Variants in TCF12 observed in about 807,000 individuals in gnomAD.
TCF12 encodes transcription factor 12, also known as DNA-binding protein HTF4.
In TCF12, 45 loss-of-function variants were observed where a neutral mutation model predicts 86.0. That is an observed-to-expected ratio of 0.52 (90% CI 0.41 to 0.67). The LOEUF (loss-of-function observed/expected upper bound fraction) is 0.67, where lower values mean the gene tolerates loss of function less well. TCF12 is among the 30% of genes least tolerant of loss of function. TCF12 has a pLI of 0.00. For synonymous variants in TCF12, 330 were observed against 299.6 expected, an observed-to-expected ratio of 1.10 and a Z score of -1.05; for missense variants, 881 against 859.9, an observed-to-expected ratio of 1.02 and a Z score of -0.31.
chr15:57,172,930 G>A (rs1422275342), intron 6 of TCF12, among the ~76,000 whole-genome samples: 21 of 149,320 alleles, frequency 1.4e-4, no homozygotes, highest in African/African-American at 4.5e-4. Context: ...GTTAGACTCT[G>A]TCTCTATTAA....
intron 3 of TCF12, among the ~76,000 whole-genome samples, chr15:57,004,700 C>T (rs188695491): frequency 4.6e-5 from 7 of 152,042 alleles, no homozygotes; most frequent in South Asian, 2.1e-4. Flanking sequence ...TGAGCCACCG[C>T]GACCGACCCT....
chr15:57,151,130 A>G (rs1024458109), intron 5 of TCF12, among the ~76,000 whole-genome samples: 9 of 147,574 alleles, frequency 6.1e-5, no homozygotes, highest in Non-Finnish European at 1.0e-4. Context: ...AGGATGCACC[A>G]TGCCTGGCCA....
intron 3 of TCF12, among the ~76,000 whole-genome samples, chr15:57,056,075 C>T (rs941035233): frequency 6.6e-6 from 1 of 150,924 alleles, no homozygotes; most frequent in Non-Finnish European, 1.5e-5. Flanking sequence ...TTAAGACCAT[C>T]CAGGAAATTT....
chr15:57,076,709 C>G (rs2070089021), intron 4 of TCF12, among the ~76,000 whole-genome samples: 1 of 151,850 alleles, frequency 6.6e-6, no homozygotes, highest in Non-Finnish European at 1.5e-5. Context: ...ATAGAATTCC[C>G]TCGATATTAC....
chr15:57,079,108 CTGAAT>C lies in TCF12; in HGVS notation c.223-12676_223-12672del, dbSNP rs776316733. ...AGCAGTATCAGTTTGGACTAAATGT[CTGAAT>C]TGAAGTGTAATTTTATTTTTTAGGA... On this transcript the variant is annotated intron_variant, in intron 4 of 20. Coordinates refer to ENST00000333725, the MANE Select transcript of TCF12 (RefSeq NM_207037.2). 5.9e-5 allele frequency among the ~76,000 whole-genome samples: 9 copies of C among 152,250 alleles called. No homozygotes were observed. In the South Asian group the frequency reaches 1.0e-3, roughly 18 times the overall value.
intron 5 of TCF12, among the ~76,000 whole-genome samples, chr15:57,144,172 G>A (rs1404150669): frequency 6.6e-6 from 1 of 152,130 alleles, no homozygotes; most frequent in Non-Finnish European, 1.5e-5. Context: ...AGAAACTAGA[G>A]GCAGGGGTAT....
chr15:57,236,911 G>A (rs1227895053), intron 12 of TCF12, among the ~76,000 whole-genome samples: 35 of 151,850 alleles, frequency 2.3e-4, no homozygotes, highest in Admixed American at 2.3e-3. Context: ...CATTTCTAAT[G>A]TGTTTCCCTG....
At chr15:57,190,663 T>C (rs1372768469) in intron 6 of TCF12, among the ~76,000 whole-genome samples, 3 of 152,170 alleles carry the variant, frequency 2.0e-5, no homozygotes, top group Non-Finnish European at 1.5e-5. Context: ...ACTAACCTCG[T>C]TTGTTTTGTG....
chr15:57,044,025 A>G (rs2141480849), intron 3 of TCF12, among the ~76,000 whole-genome samples: 1 of 152,306 alleles, frequency 6.6e-6, no homozygotes, highest in South Asian at 2.1e-4. Flanking sequence ...GATAAAAGAG[A>G]AAAAGTAGTA....
At chr15:57,028,758 G>C (rs1248434741) in intron 3 of TCF12, among the ~76,000 whole-genome samples, 8 of 151,484 alleles carry the variant, frequency 5.3e-5, no homozygotes, top group Non-Finnish European at 7.4e-5. Context: ...AATTTTTCTT[G>C]TTTTCTTCAG....
At chr15:57,090,615 C>T (rs780469024) in intron 4 of TCF12, among the ~76,000 whole-genome samples, 2 of 152,134 alleles carry the variant, frequency 1.3e-5, no homozygotes, top group Non-Finnish European at 2.9e-5. Flanking sequence ...GATAGTGAGG[C>T]CTGTTTCAGC....
intron 5 of TCF12, among the ~76,000 whole-genome samples, chr15:57,099,422 A>G (rs2049569387): frequency 6.6e-6 from 1 of 152,186 alleles, no homozygotes; most frequent in Admixed American, 6.5e-5. Context: ...GATTTCAGAA[A>G]ATATAGGGAA....
chr15:57,283,968 A>T (rs1171390473), intron 20 of TCF12, among the ~76,000 whole-genome samples: 5 of 152,186 alleles, frequency 3.3e-5, no homozygotes, highest in Non-Finnish European at 7.3e-5. Context: ...TAACTGTAAC[A>T]TTAGCACACT....
At chr15:56,997,143 A>G (rs1432016329) in intron 3 of TCF12, among the ~76,000 whole-genome samples, 2 of 152,218 alleles carry the variant, frequency 1.3e-5, no homozygotes, top group Non-Finnish European at 2.9e-5. Flanking sequence ...AAAGGAAAAT[A>G]AATTGTTCTG....
At chr15:57,136,030 C>T (rs1444356070) in intron 5 of TCF12, among the ~76,000 whole-genome samples, 1 of 151,838 alleles carries the variant, frequency 6.6e-6, no homozygotes, top group Non-Finnish European at 1.5e-5. Flanking sequence ...ATTTATCTTC[C>T]ACTCTGTGTT....
chr15:57,030,054 A>G (rs943121624), intron 3 of TCF12, among the ~76,000 whole-genome samples: 7 of 134,360 alleles, frequency 5.2e-5, no homozygotes, highest in African/African-American at 1.2e-4. Context: ...ATGTTTTTGT[A>G]TGAACATAAG....
At chr15:57,148,472 T>C (rs2053522456) in intron 5 of TCF12, among the ~76,000 whole-genome samples, 1 of 151,258 alleles carries the variant, frequency 6.6e-6, no homozygotes, top group Non-Finnish European at 1.5e-5. Context: ...AAAAGAACAA[T>C]TCATACAGAG....
chr15:57,036,865 A>T (rs1276461125), intron 3 of TCF12, among the ~76,000 whole-genome samples: 2 of 152,136 alleles, frequency 1.3e-5, no homozygotes, highest in East Asian at 1.9e-4. Context: ...AAGGACTTTT[A>T]AGGGAAGCAG....
At chr15:56,970,329 A>T (rs1384448013) in intron 3 of TCF12, among the ~76,000 whole-genome samples, 1 of 151,954 alleles carries the variant, frequency 6.6e-6, no homozygotes, top group African/African-American at 2.4e-5. Context: ...AAAATACAAA[A>T]ATTAGCTGGG....
Sources: gnomAD v4.1 joint callset for allele counts (sites outside exome capture counted in the v4.1 genomes callset) on GRCh38, gnomAD v4.1.1 for gene constraint, MANE v1.5 for transcripts, NCBI Gene and HGNC (gene_info 2026-07-23, HGNC 2026-07-21) for gene names.